Variants in PLAT observed in about 807,000 individuals in gnomAD.
PLAT encodes the protein plasminogen activator, tissue type.
Under a neutral mutation model 74.9 loss-of-function variants are expected in PLAT, and 48 were observed. That is an observed-to-expected ratio of 0.64 (90% confidence interval 0.51 to 0.82). The LOEUF (loss-of-function observed/expected upper bound fraction) is 0.82. Ranked by LOEUF, PLAT falls within the 40% of genes least tolerant of loss-of-function variation. The pLI is 0.00. For missense variants in PLAT, 673 were observed against 736.2 expected, an observed-to-expected ratio of 0.91 and a Z score of 0.99; for synonymous variants, 307 against 294.4, an observed-to-expected ratio of 1.04 and a Z score of -0.44.
chr8:42,183,030 C>T, intron 7 of PLAT, 140 bp from the exon 8 acceptor site: 1 of 612,680 alleles, frequency 1.6e-6, no homozygotes. Context: ...ACACCTCACA[C>T]TTCCCCTTTT....
intron 11 of PLAT, 30 bp downstream of exon 11, chr8:42,180,212 G>C: frequency 1.9e-6 from 3 of 1,613,498 alleles, no homozygotes; most frequent in Non-Finnish European, 1.7e-6. Flanking sequence ...TGATCTGTAT[G>C]AACTGGAGCC....
chr8:42,207,410 A>C (rs1806385834), intron 1 of PLAT, 84 bp downstream of exon 1: 1 of 152,262 alleles, frequency 6.6e-6, no homozygotes, highest in African/African-American at 2.4e-5. Flanking sequence ...TGGTTAAAGC[A>C]TTCCTTCACT....
At chr8:42,196,497 A>T (rs1025908724) in intron 1 of PLAT, among the ~76,000 whole-genome samples, 1 of 152,260 alleles carries the variant, frequency 6.6e-6, no homozygotes, top group Non-Finnish European at 1.5e-5. Flanking sequence ...AAAACAGTGC[A>T]GTCTGAAAAC....
At chr8:42,180,108 G>A (rs752048637) in intron 11 of PLAT, 42 bp from the exon 12 acceptor site, 8 of 1,590,892 alleles carry the variant, frequency 5.0e-6, no homozygotes, top group African/African-American at 1.3e-5. Context: ...TGAGGGCCGC[G>A]TCCCCGGGAG....
chr8:42,187,864 A>G (rs1189801033), intron 5 of PLAT, 42 bp downstream of exon 5: 4 of 1,275,860 alleles, frequency 3.1e-6, no homozygotes, highest in Non-Finnish European at 4.6e-6. Context: ...GAGACTGGAG[A>G]GGTGGGATTT....
intron 3 of PLAT, among the ~76,000 whole-genome samples, chr8:42,190,386 C>T (rs927048050): frequency 1.3e-5 from 2 of 152,268 alleles, no homozygotes; most frequent in African/African-American, 4.8e-5. Context: ...GCTACTTCTC[C>T]AAGTATTTTT....
At chr8:42,183,922 A>G (rs8178770) in intron 7 of PLAT, among the ~76,000 whole-genome samples, 1,888 of 152,052 alleles carry the variant, frequency 0.012, 32 homozygotes, top group South Asian at 0.056. Flanking sequence ...TTACATATAT[A>G]TATACACACA....
chr8:42,180,435 C>G, intron 10 of PLAT, 55 bp downstream of exon 10: 1 of 1,613,822 alleles, frequency 6.2e-7, no homozygotes, highest in Non-Finnish European at 8.5e-7. Context: ...CCCTAAAGGG[C>G]TTGGTTTCTA....
intron 1 of PLAT, among the ~76,000 whole-genome samples, chr8:42,193,971 C>T (rs1013625390): frequency 2.0e-5 from 3 of 150,696 alleles, no homozygotes; most frequent in Non-Finnish European, 4.4e-5. Flanking sequence ...GCCTTGGCCT[C>T]CCAAAGTGGT....
chr8:42,180,122 A>G (rs940445007), intron 11 of PLAT, 56 bp from the exon 12 acceptor site: 51 of 1,585,792 alleles, frequency 3.2e-5, no homozygotes, highest in Non-Finnish European at 4.4e-5. Context: ...CCGGGAGGGG[A>G]GGAACACGCA....
intron 3 of PLAT, among the ~76,000 whole-genome samples, chr8:42,190,517 C>T (rs1486846535): frequency 6.6e-5 from 10 of 152,276 alleles, no homozygotes; most frequent in Non-Finnish European, 1.0e-4. Context: ...AGAAGTAGCA[C>T]GTGCCCACTG....
chr8:42,189,333 C>T (rs1208578041), intron 3 of PLAT, among the ~76,000 whole-genome samples: 1 of 151,878 alleles, frequency 6.6e-6, no homozygotes, highest in Non-Finnish European at 1.5e-5. Flanking sequence ...GCCTGGCCAA[C>T]ATGGTGAAAC....
chr8:42,178,579 G>A (rs1303047561), intron 13 of PLAT, among the ~76,000 whole-genome samples: 1 of 152,182 alleles, frequency 6.6e-6, no homozygotes, highest in Non-Finnish European at 1.5e-5. Flanking sequence ...TGAGGCAAAC[G>A]TTTCTTAATT....
At chr8:42,198,365 G>A (rs891352151) in intron 1 of PLAT, among the ~76,000 whole-genome samples, 1 of 152,108 alleles carries the variant, frequency 6.6e-6, no homozygotes, top group African/African-American at 2.4e-5. Context: ...GGTGGCGGGC[G>A]CCTATAATCC....
chr8:42,180,311 G>T lies in PLAT; in HGVS notation c.1153C>A (p.Gln385Lys). The change falls in exon 11 of 14, where the codon CAG becomes AAG. Residue 385 changes from glutamine (Q) to lysine (K), a missense_variant. By Grantham distance (53) the Gln-to-Lys change is moderately conservative (BLOSUM62 1). Transcript: ENST00000220809. ...ATGTATTTTTCGACTTCAAATTTCT[G>T]CTCCTCCTCGCCAGGGACCACCCGG... ...TYRVVPGEEE[Q>K]KFEVEKYIVH... 6.2e-7 allele frequency: 1 copy of T among 1,614,120 alleles called. No individual in the cohort carries two copies. Among genetic ancestry groups the T allele is most frequent in the Non-Finnish European group, 8.5e-7 (1 of 1,179,946 alleles).
intron 6 of PLAT, chr8:42,187,145 C>G: frequency 2.5e-6 from 1 of 393,498 alleles, no homozygotes. Flanking sequence ...GTCTATCTGT[C>G]ATCCATCTAC....
At chr8:42,190,218 G>T (rs574670648) in intron 3 of PLAT, among the ~76,000 whole-genome samples, 1 of 152,136 alleles carries the variant, frequency 6.6e-6, no homozygotes, top group Non-Finnish European at 1.5e-5. Context: ...ACAGATGTGA[G>T]CCATTGCACC....
chr8:42,202,430 A>G (rs899318532), intron 1 of PLAT, among the ~76,000 whole-genome samples: 7 of 151,984 alleles, frequency 4.6e-5, no homozygotes, highest in African/African-American at 1.7e-4. Flanking sequence ...AAAACTGCCC[A>G]CATCAAGAGT....
Position 42,180,626 on chromosome 8 carries a change from C to T in PLAT, c.949G>A (p.Ala317Thr), listed in dbSNP as rs1299495234. 2 of 1,611,116 alleles carry T rather than the reference C, an allele frequency of 1.2e-6. No individual in the cohort carries two copies. Among genetic ancestry groups the T allele is most frequent in the Non-Finnish European group, 1.7e-6 (2 of 1,178,272 alleles). ...PQFRIKGGLFADIASHPWQAA... is the reference protein window; with the variant it reads ...PQFRIKGGLFTDIASHPWQAA... ...TGCCAGGGGTGGGAGGCGATGTCGG[C>T]GAAGAGCCCTCCTTTGATGCGAAAC... The change falls in exon 10 of 14, where the codon GCC becomes ACC. Residue 317 changes from alanine to threonine, a missense_variant. Ala to Thr is a moderately conservative substitution (Grantham distance 58, BLOSUM62 0). Coordinates refer to ENST00000220809, the MANE Select transcript of PLAT (RefSeq NM_000930.5).
Sources: allele counts gnomAD v4.1 joint callset (sites outside exome capture counted in the v4.1 genomes callset), GRCh38; gene constraint gnomAD v4.1.1; transcripts MANE v1.5; gene names NCBI Gene and HGNC (gene_info 2026-07-23, HGNC 2026-07-21).